POU6F2: variants seen among roughly 807,000 people sequenced by gnomAD.
POU6F2 encodes the protein POU class 6 homeobox 2, also known as POU domain, class 6, transcription factor 2.
POU6F2 carries 31 observed loss-of-function variants against 71.3 expected under a neutral mutation model. The observed-to-expected ratio is 0.43, with a 90% CI of 0.33 to 0.59. The LOEUF is 0.59. POU6F2 is among the 20% of genes least tolerant of loss of function. The pLI is 0.04. For synonymous variants in POU6F2, 347 were observed against 355.7 expected (o/e 0.98, Z 0.27); for missense variants, 783 against 856.8 (o/e 0.91, Z 1.07).
In POU6F2 at chr7:39,129,616, AATAGATAT is replaced by A. The variant is rs946668418; in HGVS notation, c.277+43593_277+43600del. ...TCATGTGTCCAGGTGGCTGAGAGAC[AATAGATAT>A]ATAGATAGATAGATAGATAGATAGA... On this transcript the variant is annotated intron_variant, in intron 2 of 9. Transcript: ENST00000518318. 2.2e-5 allele frequency among the ~76,000 whole-genome samples: 3 copies of A among 136,956 alleles called. No homozygotes were observed. The East Asian group carries it at 6.8e-4, about 31-fold the overall frequency. 89.8% of individuals were successfully genotyped at this position (136,956 alleles called of 152,430 possible).
intron 4 of POU6F2, among the ~76,000 whole-genome samples, chr7:39,310,402 C>T (rs945342751): frequency 1.3e-5 from 2 of 152,092 alleles, no homozygotes; most frequent in East Asian, 1.9e-4. Flanking sequence ...TTTCATTTTA[C>T]GAGACTCAGG....
At chr7:39,401,048 G>A (rs1244098044) in intron 5 of POU6F2, among the ~76,000 whole-genome samples, 1 of 152,170 alleles carries the variant, frequency 6.6e-6, no homozygotes, top group East Asian at 1.9e-4. Context: ...GAAGAGGAGG[G>A]GCCAGGCTCC....
intron 4 of POU6F2, among the ~76,000 whole-genome samples, chr7:39,264,903 A>C (rs1181070707): frequency 1.3e-5 from 2 of 152,080 alleles, no homozygotes; most frequent in Non-Finnish European, 2.9e-5. Context: ...AAGTACCCAA[A>C]ATTGGTTGGA....
intron 1 of POU6F2, among the ~76,000 whole-genome samples, chr7:38,988,719 G>A (rs1410309152): frequency 6.6e-6 from 1 of 152,124 alleles, no homozygotes; most frequent in Non-Finnish European, 1.5e-5. Flanking sequence ...ATTTTAGCAA[G>A]TAGAAAGCTG....
chr7:39,075,933 A>G (rs1407768428), intron 1 of POU6F2, among the ~76,000 whole-genome samples: 1 of 152,148 alleles, frequency 6.6e-6, no homozygotes, highest in Non-Finnish European at 1.5e-5. Context: ...TAGCTATGAC[A>G]TTCTTCCATC....
chr7:39,188,297 A>C (rs909171779), intron 2 of POU6F2, among the ~76,000 whole-genome samples: 1 of 152,176 alleles, frequency 6.6e-6, no homozygotes, highest in Non-Finnish European at 1.5e-5. Context: ...CAGATTCTAC[A>C]TGGTGGTCAG....
At chr7:39,105,428 C>T (rs1791657997) in intron 2 of POU6F2, among the ~76,000 whole-genome samples, 2 of 141,036 alleles carry the variant, frequency 1.4e-5, no homozygotes, top group Non-Finnish European at 3.1e-5. Flanking sequence ...TTTTTTTTAA[C>T]CTCAGGTTTT....
chr7:38,999,070 T>C (rs1788826215), intron 1 of POU6F2, among the ~76,000 whole-genome samples: 1 of 152,052 alleles, frequency 6.6e-6, no homozygotes, highest in Non-Finnish European at 1.5e-5. Context: ...AACATAGCAA[T>C]GGGCTATGTT....
intron 4 of POU6F2, among the ~76,000 whole-genome samples, chr7:39,252,541 A>C (rs1291840139): frequency 6.6e-6 from 1 of 152,036 alleles, no homozygotes; most frequent in Admixed American, 6.6e-5. Flanking sequence ...CATTAACCCA[A>C]AGCATGTTTG....
chr7:39,324,770 T>C (rs1467168527), intron 4 of POU6F2, among the ~76,000 whole-genome samples: 2 of 152,252 alleles, frequency 1.3e-5, no homozygotes, highest in African/African-American at 4.8e-5. Flanking sequence ...GCCCCATTAA[T>C]AGTCCAGTAT....
intron 2 of POU6F2, among the ~76,000 whole-genome samples, chr7:39,129,928 G>A (rs777980036): frequency 2.6e-5 from 4 of 151,872 alleles, no homozygotes; most frequent in African/African-American, 4.8e-5. Context: ...TTAGCCGGGC[G>A]TGGTGGCAGG....
chr7:39,112,142 G>A (rs1485331625), intron 2 of POU6F2, among the ~76,000 whole-genome samples: 2 of 152,120 alleles, frequency 1.3e-5, no homozygotes, highest in South Asian at 2.1e-4. Flanking sequence ...TCTCACCTGT[G>A]TATTAAACCC....
rs77805225 is a variant in POU6F2 at position 39,285,811 on chromosome 7, T to A, written c.599-53831T>A. ...CCCAGCAACTCCATGTTCCCCCATC[T>A]GTCAGCTCCTCTGCTTTCTTCCCAC... is the stretch of plus-strand genomic sequence containing the variant. On this transcript the variant is annotated intron_variant, in intron 4 of 9. Coordinates refer to ENST00000518318, the MANE Select transcript of POU6F2 (RefSeq NM_001370959.1). 7.4e-4 allele frequency among the ~76,000 whole-genome samples: 113 copies of A among 152,344 alleles called. No homozygotes were observed. In the East Asian group the frequency reaches 0.019, roughly 25 times the overall value.
At chr7:39,011,685 T>C (rs1413666055) in intron 1 of POU6F2, among the ~76,000 whole-genome samples, 4 of 151,112 alleles carry the variant, frequency 2.6e-5, no homozygotes, top group Non-Finnish European at 4.4e-5. Context: ...CCATGTTTAG[T>C]GCTTCCTTCA....
intron 7 of POU6F2, among the ~76,000 whole-genome samples, chr7:39,436,925 T>C (rs1788258701): frequency 6.6e-6 from 1 of 152,246 alleles, no homozygotes; most frequent in Non-Finnish European, 1.5e-5. Flanking sequence ...TGGATTACGC[T>C]TATTCATTTG....
At chr7:39,167,259 ACTTTT>A (rs1793133580) in intron 2 of POU6F2, among the ~76,000 whole-genome samples, 1 of 152,114 alleles carries the variant, frequency 6.6e-6, no homozygotes, top group Non-Finnish European at 1.5e-5. Flanking sequence ...GTTATTAAAA[ACTTTT>A]CTTTTGTACT....
At chr7:39,160,267 GC>G (rs1313852276) in intron 2 of POU6F2, among the ~76,000 whole-genome samples, 9 of 152,192 alleles carry the variant, frequency 5.9e-5, no homozygotes, top group Admixed American at 3.9e-4. Context: ...ACTGAGAACA[GC>G]CAAATGGATT....
intron 2 of POU6F2, among the ~76,000 whole-genome samples, chr7:39,192,924 GAGGA>G (rs1395077631): frequency 6.6e-6 from 1 of 152,154 alleles, no homozygotes; most frequent in African/African-American, 2.4e-5. Flanking sequence ...GAAAAGGATG[GAGGA>G]AGGAAGAGAG....
At chr7:39,271,759 T>C (rs1784344417) in intron 4 of POU6F2, among the ~76,000 whole-genome samples, 1 of 152,188 alleles carries the variant, frequency 6.6e-6, no homozygotes, top group East Asian at 1.9e-4. Context: ...GAGGGATAAT[T>C]TGCTGTAATA....
Sources: gnomAD v4.1 joint callset for allele counts (sites outside exome capture counted in the v4.1 genomes callset) on GRCh38, gnomAD v4.1.1 for gene constraint, MANE v1.5 for transcripts, NCBI Gene and HGNC (gene_info 2026-07-23, HGNC 2026-07-21) for gene names.